GALK2: variants seen among roughly 807,000 people sequenced by gnomAD.
GALK2 encodes N-acetylgalactosamine kinase.
GALK2 carries 36 observed loss-of-function variants against 52.4 expected under a neutral mutation model. That is an observed-to-expected ratio of 0.69 (90% CI 0.53 to 0.91). The LOEUF (loss-of-function observed/expected upper bound fraction) is 0.91. GALK2 is among the 40% of genes least tolerant of loss of function. The pLI is 0.00. For synonymous variants in GALK2, 176 were observed against 199.1 expected (o/e 0.88, Z 0.98); for missense variants, 579 against 559.1 (o/e 1.04, Z -0.36).
In GALK2 at chr15:49,355,647, C is replaced by A. The variant is rs982245234; in HGVS notation, c.427-11844C>A. Among the ~76,000 whole-genome samples the A allele has an allele frequency of 2.6e-5, 4 of 151,946 alleles. No individual in the cohort carries two copies. In the East Asian group the frequency reaches 5.8e-4, roughly 22 times the overall value. ...CCTGAAAGTGATGGGGAGAATGGAA[C>A]CAAGTTGGAAAACACTCTGCAGGAT... On this transcript the variant is annotated intron_variant, in intron 3 of 3. Transcript: ENST00000558399.
At chr15:49,242,771 C>G (rs1288996436) in intron 5 of GALK2, among the ~76,000 whole-genome samples, 1 of 152,164 alleles carries the variant, frequency 6.6e-6, no homozygotes, top group Non-Finnish European at 1.5e-5. Flanking sequence ...TATGATGTGG[C>G]AAAAGATCTA....
chr15:49,227,262 C>T (rs1455810699), intron 3 of GALK2, among the ~76,000 whole-genome samples: 1 of 152,178 alleles, frequency 6.6e-6, no homozygotes, highest in Non-Finnish European at 1.5e-5. Context: ...TGCTGTCTTT[C>T]TCCCTTTAGT....
chr15:49,338,370 C>G (rs1366431673), intron 3 of GALK2, among the ~76,000 whole-genome samples: 1 of 152,088 alleles, frequency 6.6e-6, no homozygotes, highest in African/African-American at 2.4e-5. Context: ...GATTTTATTT[C>G]TCCTTCACTT....
chr15:49,336,083 C>A (rs547501578), downstream of GALK2, among the ~76,000 whole-genome samples: 3 of 152,310 alleles, frequency 2.0e-5, no homozygotes, highest in African/African-American at 7.2e-5. Flanking sequence ...ATTGGGATTA[C>A]AGGTGTGAGC....
At chr15:49,341,658 T>G (rs2040748898) in intron 3 of GALK2, among the ~76,000 whole-genome samples, 1 of 152,224 alleles carries the variant, frequency 6.6e-6, no homozygotes, top group African/African-American at 2.4e-5. Context: ...GGCTGAGATC[T>G]TTCTAACTTT....
At chr15:49,232,539 G>T (rs1320214830) in intron 3 of GALK2, among the ~76,000 whole-genome samples, 1 of 152,108 alleles carries the variant, frequency 6.6e-6, no homozygotes, top group Non-Finnish European at 1.5e-5. Flanking sequence ...CTCCAAAAAG[G>T]CCTTTTCTTT....
intron 5 of GALK2, among the ~76,000 whole-genome samples, chr15:49,240,035 G>A (rs1271835397): frequency 6.6e-6 from 1 of 152,174 alleles, no homozygotes; most frequent in Non-Finnish European, 1.5e-5. Flanking sequence ...GGTTTGGACA[G>A]ATCAAGAGAA....
chr15:49,177,829 A>G (rs1405220435), intron 1 of GALK2: 1 of 297,648 alleles, frequency 3.4e-6, no homozygotes, highest in Non-Finnish European at 6.5e-6. Flanking sequence ...AACTTCAAAC[A>G]TTTTGTATGT....
intron 2 of GALK2, among the ~76,000 whole-genome samples, chr15:49,211,701 G>T (rs974205445): frequency 1.3e-5 from 2 of 152,158 alleles, no homozygotes; most frequent in Non-Finnish European, 2.9e-5. Flanking sequence ...GGGGAAGGAG[G>T]CACGCCGTAC....
chr15:49,275,729 G>GT (rs1294762299), intron 5 of GALK2, among the ~76,000 whole-genome samples: 1 of 151,994 alleles, frequency 6.6e-6, no homozygotes, highest in Admixed American at 6.5e-5. Context: ...TATTATTATT[G>GT]TTTTTTTGTG....
In GALK2 at chr15:49,157,535, A is replaced by G. The variant is rs1370931481; in HGVS notation, c.20+1519A>G. 3.9e-5 allele frequency among the ~76,000 whole-genome samples: 6 copies of G among 152,360 alleles called. No homozygotes were observed. In the South Asian group the frequency reaches 6.2e-4, roughly 16 times the overall value. On this transcript the variant is annotated intron_variant, in intron 1 of 9. Transcript: ENST00000327171. ...CTGCTTTGACAAATAGTTAAGTCCCATGGCCTTCAGAGAGAGAGGCAGTAG... is the reference window on the plus strand; with the variant it reads ...CTGCTTTGACAAATAGTTAAGTCCCGTGGCCTTCAGAGAGAGAGGCAGTAG...
At chr15:49,316,300 G>A (rs575855487) in intron 8 of GALK2, among the ~76,000 whole-genome samples, 9 of 151,326 alleles carry the variant, frequency 5.9e-5, no homozygotes, top group African/African-American at 1.7e-4. Context: ...GGTTATCTAC[G>A]AAAGTAAGAG....
chr15:49,200,753 G>A (rs1438287318), intron 1 of GALK2, among the ~76,000 whole-genome samples: 7 of 152,074 alleles, frequency 4.6e-5, no homozygotes, highest in African/African-American at 1.7e-4. Context: ...ATAGTTCTTC[G>A]TTATGACAGC....
At chr15:49,185,953 C>T (rs1201198936) in intron 1 of GALK2, among the ~76,000 whole-genome samples, 2 of 152,038 alleles carry the variant, frequency 1.3e-5, no homozygotes, top group Non-Finnish European at 2.9e-5. Flanking sequence ...GTAAGGTTTC[C>T]ACTGAGAAGT....
chr15:49,209,975 G>A (rs866111466), intron 2 of GALK2, among the ~76,000 whole-genome samples: 6 of 152,132 alleles, frequency 3.9e-5, no homozygotes, highest in African/African-American at 1.2e-4. Flanking sequence ...GCATTTCTTC[G>A]TTGGGAGACT....
chr15:49,335,935 C>T (rs2039632813), downstream of GALK2, among the ~76,000 whole-genome samples: 1 of 152,124 alleles, frequency 6.6e-6, no homozygotes, highest in South Asian at 2.1e-4. Flanking sequence ...TCACTGTGAC[C>T]TCAAACTCCT....
At chr15:49,327,203 G>A (rs8031480) in intron 9 of GALK2, 61,768 of 151,960 alleles carry the variant, frequency 0.41, 12,737 homozygotes, top group African/African-American at 0.43. Context: ...TATAGTTGTT[G>A]TCATCCCAAT....
At chr15:49,364,183 G>T (rs979607093) in intron 3 of GALK2, among the ~76,000 whole-genome samples, 2 of 152,140 alleles carry the variant, frequency 1.3e-5, no homozygotes, top group Non-Finnish European at 2.9e-5. Context: ...GTTTCAGTAG[G>T]AATGGTACCA....
At chr15:49,262,311 C>T (rs968492617) in intron 5 of GALK2, among the ~76,000 whole-genome samples, 14 of 152,174 alleles carry the variant, frequency 9.2e-5, no homozygotes, top group African/African-American at 2.9e-4. Flanking sequence ...GTGTATGTGT[C>T]GAGGAATTTA....
Sources: allele counts gnomAD v4.1 joint callset (sites outside exome capture counted in the v4.1 genomes callset), GRCh38; gene constraint gnomAD v4.1.1; transcripts MANE v1.5; gene names NCBI Gene and HGNC (gene_info 2026-07-23, HGNC 2026-07-21).